The following STXBP5L variants were observed in gnomAD, a reference collection of about 807,000 sequenced individuals.
STXBP5L encodes the protein syntaxin-binding protein 5-like.
Under a neutral mutation model 144.5 loss-of-function variants are expected in STXBP5L, and 65 were observed. That is an observed-to-expected ratio of 0.45 (90% CI 0.37 to 0.55). The LOEUF (loss-of-function observed/expected upper bound fraction) is 0.55. Among genes scored for constraint, STXBP5L ranks in the 20% least tolerant of loss-of-function variants. STXBP5L has a pLI of 0.00. For missense variants in STXBP5L, 1,298 were observed against 1,405.5 expected (o/e 0.92, Z 1.22); for synonymous variants, 505 against 469.6 (o/e 1.08, Z -0.97).
At chr3:121,264,665 A>G (rs1274731952) in intron 18 of STXBP5L, among the ~76,000 whole-genome samples, 1 of 152,198 alleles carries the variant, frequency 6.6e-6, no homozygotes, top group Non-Finnish European at 1.5e-5. Context: ...TGCCCCAATT[A>G]AAAGACACAG....
In STXBP5L at chr3:121,041,712, T is replaced by C. The variant is rs1374420166; in HGVS notation, c.300T>C (p.Pro100=). Residue 100 remains proline, a synonymous_variant, in exon 4 of 27, where the codon CCT becomes CCC. Coordinates refer to ENST00000471454, the MANE Select transcript of STXBP5L (RefSeq NM_001308330.2). ...TTTATTATATTAGACTCGGGAGACCTGGTGTTGATTGCTATTGCCAACATG... is the reference window on the plus strand; with the variant it reads ...TTTATTATATTAGACTCGGGAGACCCGGTGTTGATTGCTATTGCCAACATG... ...RTGAIRILGR[P]GVDCYCQHES... 6.2e-7 allele frequency: 1 copy of C among 1,612,186 alleles called. No individual in the cohort carries two copies.
intron 2 of STXBP5L, among the ~76,000 whole-genome samples, chr3:120,930,774 T>C (rs979516846): frequency 3.3e-5 from 5 of 152,138 alleles, no homozygotes; most frequent in African/African-American, 1.2e-4. Context: ...TTGTCATATA[T>C]TAAGTTTTGA....
At chr3:121,313,360 C>G (rs1332250347) in intron 19 of STXBP5L, among the ~76,000 whole-genome samples, 1 of 137,546 alleles carries the variant, frequency 7.3e-6, no homozygotes, top group African/African-American at 2.8e-5. Flanking sequence ...CCCCACCTCC[C>G]TCCCGGACTG....
chr3:120,927,270 G>T (rs1709688969), intron 2 of STXBP5L, among the ~76,000 whole-genome samples: 1 of 152,118 alleles, frequency 6.6e-6, no homozygotes, highest in Non-Finnish European at 1.5e-5. Context: ...GCTTTTCTGT[G>T]TTGTGTGGGA....
intron 3 of STXBP5L, among the ~76,000 whole-genome samples, chr3:120,995,761 G>A (rs1046080694): frequency 6.6e-6 from 1 of 151,956 alleles, no homozygotes; most frequent in Non-Finnish European, 1.5e-5. Context: ...TGTTATAACT[G>A]TGGATTCAAC....
chr3:121,190,643 C>A (rs369384783), intron 9 of STXBP5L, among the ~76,000 whole-genome samples: 5 of 151,558 alleles, frequency 3.3e-5, no homozygotes, highest in Admixed American at 2.0e-4. Context: ...GGCAGAGGCA[C>A]CCCCCACCTC....
chr3:121,082,834 A>C (rs1468466444), intron 5 of STXBP5L, among the ~76,000 whole-genome samples: 1 of 152,206 alleles, frequency 6.6e-6, no homozygotes, highest in Non-Finnish European at 1.5e-5. Flanking sequence ...GCTAGCCATA[A>C]ATTTCTGGAA....
intron 22 of STXBP5L, among the ~76,000 whole-genome samples, chr3:121,390,809 C>T (rs367774154): frequency 6.6e-6 from 1 of 151,668 alleles, no homozygotes; most frequent in Admixed American, 6.6e-5. Flanking sequence ...CTCTGGCTGC[C>T]CTTAACATTT....
At chr3:121,133,629 A>T (rs1005489424) in intron 7 of STXBP5L, among the ~76,000 whole-genome samples, 3 of 152,208 alleles carry the variant, frequency 2.0e-5, no homozygotes, top group Admixed American at 6.5e-5. Context: ...AAGAAATGCT[A>T]AAGAGTTCTT....
intron 20 of STXBP5L, among the ~76,000 whole-genome samples, chr3:121,364,620 T>A (rs1280849432): frequency 1.3e-5 from 2 of 152,044 alleles, no homozygotes; most frequent in African/African-American, 4.8e-5. Context: ...TGTTCTTTAA[T>A]TTTTTCAGTA....
chr3:121,341,705 T>C (rs1472008574), intron 20 of STXBP5L, among the ~76,000 whole-genome samples: 2 of 152,136 alleles, frequency 1.3e-5, no homozygotes, highest in Non-Finnish European at 2.9e-5. Context: ...AGAGATCCTG[T>C]TGTTTACAAC....
At chr3:121,178,362 A>C (rs1480918712) in intron 9 of STXBP5L, among the ~76,000 whole-genome samples, 1 of 152,202 alleles carries the variant, frequency 6.6e-6, no homozygotes. Context: ...TCCGTGTTCC[A>C]GTGAGTGAAA....
intron 5 of STXBP5L, among the ~76,000 whole-genome samples, chr3:121,067,829 CATT>C (rs1251566547): frequency 6.6e-6 from 1 of 152,098 alleles, no homozygotes; most frequent in East Asian, 1.9e-4. Flanking sequence ...ATTACTTTAT[CATT>C]ATAAAATATC....
intron 5 of STXBP5L, among the ~76,000 whole-genome samples, chr3:121,083,133 A>G (rs1368385156): frequency 6.6e-6 from 1 of 152,118 alleles, no homozygotes; most frequent in Admixed American, 6.5e-5. Context: ...TGGGAGGTGG[A>G]GGTTGCAGTG....
intron 3 of STXBP5L, among the ~76,000 whole-genome samples, chr3:121,010,730 G>A (rs568690982): frequency 2.6e-5 from 4 of 151,842 alleles, no homozygotes; most frequent in South Asian, 2.1e-4. Context: ...TACTGTATTC[G>A]TATAATAACG....
At chr3:121,344,475 G>T (rs2044869305) in intron 20 of STXBP5L, among the ~76,000 whole-genome samples, 1 of 151,946 alleles carries the variant, frequency 6.6e-6, no homozygotes, top group Non-Finnish European at 1.5e-5. Flanking sequence ...TCTGCTACAG[G>T]ATTATCTTCA....
intron 15 of STXBP5L, among the ~76,000 whole-genome samples, chr3:121,253,810 C>CTTTTTTTTTTTTTTT (rs34678687): frequency 2.1e-5 from 2 of 95,080 alleles, no homozygotes; most frequent in Non-Finnish European, 3.8e-5. Context: ...TTTTTTTTTT[C>CTTTTTTTTTTTTTTT]TTTTTTTTTT....
intron 3 of STXBP5L, among the ~76,000 whole-genome samples, chr3:121,022,468 A>G (rs182683573): frequency 5.9e-5 from 9 of 152,222 alleles, no homozygotes; most frequent in Admixed American, 5.2e-4. Flanking sequence ...AAAGTAAACT[A>G]TAGACTAATA....
intron 3 of STXBP5L, among the ~76,000 whole-genome samples, chr3:121,015,690 A>G (rs553832905): frequency 6.6e-6 from 1 of 152,148 alleles, no homozygotes; most frequent in Non-Finnish European, 1.5e-5. Flanking sequence ...CCGAATAAGC[A>G]TTGTAAAATA....
Sources: gnomAD v4.1 joint callset for allele counts (sites outside exome capture counted in the v4.1 genomes callset) on GRCh38, gnomAD v4.1.1 for gene constraint, MANE v1.5 for transcripts, NCBI Gene and HGNC (gene_info 2026-07-23, HGNC 2026-07-21) for gene names.